RANBP2: variants seen among roughly 807,000 people sequenced by gnomAD.
The protein encoded by RANBP2 is E3 SUMO-protein ligase RanBP2.
A neutral mutation model predicts 303.6 loss-of-function variants in RANBP2; 57 were observed. The observed-to-expected ratio is 0.19, with a 90% CI of 0.15 to 0.23. The LOEUF (loss-of-function observed/expected upper bound fraction) is 0.23, where lower values mean the gene tolerates loss of function less well. Among genes scored for constraint, RANBP2 ranks in the 10% least tolerant of loss-of-function variants. The pLI is 1.00. For missense variants in RANBP2, 3,138 were observed against 3,780.8 expected, an observed-to-expected ratio of 0.83 and a Z score of 4.46; for synonymous variants, 1,167 against 1,301.5, an observed-to-expected ratio of 0.90 and a Z score of 2.23.
the RANBP2 span, among the ~76,000 whole-genome samples, chr2:109,111,438 T>C: frequency 6.7e-6 from 1 of 150,234 alleles, no homozygotes; most frequent in South Asian, 2.1e-4. Context: ...GAATGAATCA[T>C]AGCCTCTAAG....
At chr2:108,850,291 G>C in the RANBP2 span, among the ~76,000 whole-genome samples, 1 of 152,100 alleles carries the variant, frequency 6.6e-6, no homozygotes, top group Non-Finnish European at 1.5e-5. Flanking sequence ...GAGAAAGTAG[G>C]CAAATGTGTT....
chr2:109,490,898 T>C, the RANBP2 span: 3 of 1,523,974 alleles, frequency 2.0e-6, no homozygotes, highest in Non-Finnish European at 2.6e-6. Flanking sequence ...TGTCCATGGC[T>C]GCCATCCGCC....
At chr2:109,473,710 C>T in the RANBP2 span, among the ~76,000 whole-genome samples, 8 of 151,312 alleles carry the variant, frequency 5.3e-5, 1 homozygote, top group African/African-American at 1.9e-4. Context: ...GCCCAGCTCA[C>T]TCAGCCACCC....
chr2:109,464,824 C>G, the RANBP2 span, among the ~76,000 whole-genome samples: 1 of 152,168 alleles, frequency 6.6e-6, no homozygotes, highest in Non-Finnish European at 1.5e-5. Context: ...ACATCATTAC[C>G]CAATGTCCAT....
At chr2:109,373,451 A>G in the RANBP2 span, among the ~76,000 whole-genome samples, 1 of 152,242 alleles carries the variant, frequency 6.6e-6, no homozygotes, top group African/African-American at 2.4e-5. Context: ...CAGTATATCC[A>G]TACAATGGAA....
the RANBP2 span, among the ~76,000 whole-genome samples, chr2:109,281,325 G>C: frequency 1.4e-4 from 21 of 152,326 alleles, no homozygotes; most frequent in Non-Finnish European, 2.5e-4. Context: ...CCTTCCCCGG[G>C]CCCCCTCCGT....
chr2:108,910,132 G>A, the RANBP2 span, among the ~76,000 whole-genome samples: 1 of 152,212 alleles, frequency 6.6e-6, no homozygotes, highest in South Asian at 2.1e-4. Context: ...GGCCGCAACA[G>A]GCATGCATCC....
At chr2:109,344,725 A>G in the RANBP2 span, among the ~76,000 whole-genome samples, 1 of 152,112 alleles carries the variant, frequency 6.6e-6, no homozygotes. Flanking sequence ...AGTTGGCAGG[A>G]GGAGTGCCCA....
At chr2:109,009,167 G>A in the RANBP2 span, among the ~76,000 whole-genome samples, 3 of 151,468 alleles carry the variant, frequency 2.0e-5, no homozygotes, top group South Asian at 2.1e-4. Context: ...GTGAAACCCC[G>A]TCTCTACTAA....
At chr2:109,268,501 A>T in the RANBP2 span, among the ~76,000 whole-genome samples, 8 of 151,992 alleles carry the variant, frequency 5.3e-5, no homozygotes, top group African/African-American at 1.4e-4. Context: ...CTCCCAAGCA[A>T]CCTCTGTCCA....
the RANBP2 span, among the ~76,000 whole-genome samples, chr2:109,727,433 G>C: frequency 6.9e-4 from 105 of 152,268 alleles, no homozygotes; most frequent in Middle Eastern, 3.4e-3. Flanking sequence ...GCTAGTAGTG[G>C]GTGGAGCTGG....
chr2:108,910,720 C>G, the RANBP2 span: 5 of 1,594,926 alleles, frequency 3.1e-6, no homozygotes, highest in Admixed American at 8.3e-5. Context: ...TGGGAACGCC[C>G]TCCACCCAGA....
chr2:108,775,580 A>G, intron 23 of RANBP2, 152 bp from the exon 24 acceptor site: 1 of 718,194 alleles, frequency 1.4e-6, no homozygotes, highest in Non-Finnish European at 2.4e-6. Flanking sequence ...GTAGGCATTT[A>G]GTTATAGGTT....
At chr2:109,469,235 G>A in the RANBP2 span, among the ~76,000 whole-genome samples, 1 of 152,242 alleles carries the variant, frequency 6.6e-6, no homozygotes, top group South Asian at 2.1e-4. Context: ...ATTCCTGGAT[G>A]AGTGAGAATT....
chr2:109,615,335 C>T, the RANBP2 span: 1 of 1,611,832 alleles, frequency 6.2e-7, no homozygotes, highest in Non-Finnish European at 8.5e-7. Context: ...AGTGGGACAG[C>T]CTGGAGGGCT....
chr2:109,636,003 C>T, the RANBP2 span, among the ~76,000 whole-genome samples: 2 of 152,190 alleles, frequency 1.3e-5, no homozygotes, highest in Non-Finnish European at 2.9e-5. Context: ...GTGGAGCCCT[C>T]ATGACTAGAA....
At position 108,765,257 on chromosome 2, in the gene RANBP2, G is replaced by A. The variant is rs745954152; in HGVS notation, c.4718G>A (p.Ser1573Asn). ...CVACQNPDKP[S>N]PSTSVPAPAS... The stretch of plus-strand genomic sequence containing the variant: ...GCTTGTCAGAATCCGGATAAACCAA[G>A]TCCATCTACTTCTGTTCCAGCTCCT... Residue 1573 changes from serine to asparagine, a missense_variant, in exon 20 of 29, where the codon AGT becomes AAT. This residue lies in a region of RANBP2 where 388 missense variants were observed against 328.5 expected (regional missense o/e 1.18). Transcript: ENST00000283195. The A allele has an allele frequency of 2.4e-5, 38 of 1,613,464 alleles. No individual in the cohort carries two copies. The highest frequency in any genetic ancestry group is 1.6e-4 in the Middle Eastern group (1 of 6,082).
the RANBP2 span, among the ~76,000 whole-genome samples, chr2:109,013,871 C>A: frequency 6.6e-6 from 1 of 152,180 alleles, no homozygotes; most frequent in Non-Finnish European, 1.5e-5. Flanking sequence ...ACCACCACAC[C>A]CGGCCCTTTC....
rs778647896 is a variant in RANBP2 at position 108,772,937 on chromosome 2, C to G, written c.8183C>G (p.Thr2728Arg). 3.7e-6 allele frequency: 6 copies of G among 1,613,744 alleles called. No individual in the cohort carries two copies. The highest frequency in any genetic ancestry group is 5.1e-6 in the Non-Finnish European group (6 of 1,179,926). The change falls in exon 23 of 29, where the codon ACG becomes AGG. Residue 2728 changes from threonine to arginine, a missense_variant. Physicochemically the swap from Thr to Arg is moderately conservative, Grantham distance 71. Coordinates refer to ENST00000283195, the MANE Select transcript of RANBP2 (RefSeq NM_006267.5). Reference protein sequence around the residue: ...PTVEEKAKADTLKLPPTFFCG... With the variant: ...PTVEEKAKADRLKLPPTFFCG... ...GTTGAAGAGAAGGCAAAAGCAGATA[C>G]GTTAAAACTTCCACCTACATTTTTT... is the stretch of plus-strand genomic sequence containing the variant.
Sources: gnomAD v4.1 joint callset for allele counts (sites outside exome capture counted in the v4.1 genomes callset) on GRCh38, gnomAD v4.1.1 for gene constraint, gnomAD v4.1.1 regional missense constraint, MANE v1.5 for transcripts, NCBI Gene and HGNC (gene_info 2026-07-23, HGNC 2026-07-21) for gene names.